NYAP2: variants seen among roughly 807,000 people sequenced by gnomAD.
NYAP2 encodes neuronal tyrosine-phosphorylated phosphoinositide-3-kinase adaptor 2, also known as neuronal tyrosine-phosphorylated phosphoinositide-3-kinase adapter 2.
A neutral mutation model predicts 50.4 loss-of-function variants in NYAP2; 23 were observed. The observed-to-expected ratio is 0.46, with a 90% CI of 0.33 to 0.65. NYAP2 has a LOEUF of 0.65. Ranked by LOEUF, NYAP2 falls within the 30% of genes least tolerant of loss-of-function variation. The pLI is 0.02. For missense variants in NYAP2, 885 were observed against 861.0 expected, an observed-to-expected ratio of 1.03 and a Z score of -0.35; for synonymous variants, 394 against 365.2, an observed-to-expected ratio of 1.08 and a Z score of -0.90.
chr2:225,703,493 G>T, the NYAP2 span: 1 of 151,150 alleles, frequency 6.6e-6, no homozygotes, highest in Non-Finnish European at 1.5e-5. Context: ...GATTTTTTTA[G>T]GTAACATGTA....
At chr2:225,528,409 C>A (rs73084713) in intron 4 of NYAP2, among the ~76,000 whole-genome samples, 1 of 152,088 alleles carries the variant, frequency 6.6e-6, no homozygotes, top group Non-Finnish European at 1.5e-5. Flanking sequence ...ATCATCCCGC[C>A]GCAAAGTGCT....
At chr2:225,645,251 AAAAG>A (rs1278268759) in intron 6 of NYAP2, among the ~76,000 whole-genome samples, 2 of 151,790 alleles carry the variant, frequency 1.3e-5, no homozygotes, top group Admixed American at 6.6e-5. Context: ...AAAAAAAAAA[AAAAG>A]AAGAAGAAAA....
rs966819928 is a variant in NYAP2, at chr2:225,532,931, C to T, written c.523+19259C>T. 8.9e-4 allele frequency among the ~76,000 whole-genome samples: 136 copies of T among 152,104 alleles called. 2 individuals are homozygous for T. Among genetic ancestry groups the T allele is most frequent in the Admixed American group, 2.0e-4 (3 of 15,282 alleles). ...CTGAGTGTCTACTATGCATGTGGCA[C>T]GATACTATGCTAGGCAATAGAGAAA... On this transcript the variant is annotated intron_variant, in intron 4 of 6. Transcript: ENST00000636099.
At chr2:225,436,254 A>T (rs1689373533) in intron 3 of NYAP2, among the ~76,000 whole-genome samples, 1 of 152,194 alleles carries the variant, frequency 6.6e-6, no homozygotes, top group Admixed American at 6.5e-5. Context: ...CTAATAAAGT[A>T]CCACAAACCA....
the NYAP2 span, among the ~76,000 whole-genome samples, chr2:225,694,038 G>A: frequency 1.3e-5 from 2 of 152,030 alleles, no homozygotes; most frequent in Admixed American, 6.6e-5. Flanking sequence ...TTGTCCTAGA[G>A]GTGTGTGTTC....
At chr2:225,628,537 G>T (rs1380011009) in intron 6 of NYAP2, among the ~76,000 whole-genome samples, 1 of 151,796 alleles carries the variant, frequency 6.6e-6, no homozygotes, top group East Asian at 1.9e-4. Context: ...TGGTCAGGCT[G>T]GTCTCAAACT....
At chr2:225,492,847 G>A (rs150844955) in intron 3 of NYAP2, among the ~76,000 whole-genome samples, 76 of 152,266 alleles carry the variant, frequency 5.0e-4, no homozygotes, top group African/African-American at 1.7e-3. Flanking sequence ...ATCTGCCTCT[G>A]TGATCCAAAT....
intron 4 of NYAP2, among the ~76,000 whole-genome samples, chr2:225,563,978 G>A (rs1691918192): frequency 6.6e-6 from 1 of 152,096 alleles, no homozygotes; most frequent in Non-Finnish European, 1.5e-5. Flanking sequence ...GAACTGTAAT[G>A]TCTCTCTCCT....
At chr2:225,679,319 G>A in the NYAP2 span, among the ~76,000 whole-genome samples, 1 of 152,012 alleles carries the variant, frequency 6.6e-6, no homozygotes, top group East Asian at 1.9e-4. Context: ...TATATATGGT[G>A]CAGAGAGCAT....
At chr2:225,552,580 C>T (rs1691697471) in intron 4 of NYAP2, among the ~76,000 whole-genome samples, 1 of 152,206 alleles carries the variant, frequency 6.6e-6, no homozygotes, top group Non-Finnish European at 1.5e-5. Context: ...TCTCTCTGCT[C>T]TCTACTGTGT....
intron 3 of NYAP2, among the ~76,000 whole-genome samples, chr2:225,435,063 T>G (rs977389314): frequency 2.0e-5 from 3 of 152,218 alleles, no homozygotes; most frequent in Non-Finnish European, 4.4e-5. Context: ...CTACTCTTCC[T>G]GCATTTTGAC....
chr2:225,536,738 T>C (rs925011941), intron 4 of NYAP2, among the ~76,000 whole-genome samples: 1 of 152,020 alleles, frequency 6.6e-6, no homozygotes, highest in African/African-American at 2.4e-5. Flanking sequence ...CATCCTATTA[T>C]GCTGTCAAGT....
intron 4 of NYAP2, among the ~76,000 whole-genome samples, chr2:225,524,632 A>G (rs1446411098): frequency 1.3e-5 from 2 of 152,196 alleles, no homozygotes; most frequent in Non-Finnish European, 1.5e-5. Flanking sequence ...ATAAGACCTG[A>G]AGCTATACAA....
intron 4 of NYAP2, among the ~76,000 whole-genome samples, chr2:225,540,939 G>A (rs1177906083): frequency 2.6e-5 from 4 of 151,834 alleles, no homozygotes; most frequent in Admixed American, 1.3e-4. Context: ...CCATATCCAC[G>A]CCAGCCTTTG....
downstream of NYAP2, among the ~76,000 whole-genome samples, chr2:225,657,734 G>A (rs1454078603): frequency 6.6e-6 from 1 of 152,054 alleles, no homozygotes; most frequent in African/African-American, 2.4e-5. Context: ...TTTTGCCAAA[G>A]TCATGCACAC....
At chr2:225,677,035 T>C in the NYAP2 span, among the ~76,000 whole-genome samples, 1 of 152,172 alleles carries the variant, frequency 6.6e-6, no homozygotes, top group Non-Finnish European at 1.5e-5. Flanking sequence ...TTCCAACCCA[T>C]GAGCATGGAA....
At chr2:225,640,157 T>G (rs1303688251) in intron 6 of NYAP2, among the ~76,000 whole-genome samples, 1 of 152,170 alleles carries the variant, frequency 6.6e-6, no homozygotes, top group African/African-American at 2.4e-5. Flanking sequence ...TTTATGGAGA[T>G]CAACGTGAAC....
At chr2:225,534,135 G>A (rs762763352) in intron 4 of NYAP2, among the ~76,000 whole-genome samples, 63 of 152,274 alleles carry the variant, frequency 4.1e-4, no homozygotes, top group Non-Finnish European at 3.2e-4. Flanking sequence ...TGGAGATGTT[G>A]AGAAAACATT....
intron 2 of NYAP2, among the ~76,000 whole-genome samples, chr2:225,403,851 T>A (rs1365734618): frequency 1.3e-5 from 2 of 152,004 alleles, no homozygotes; most frequent in African/African-American, 4.8e-5. Flanking sequence ...GACAAATCAG[T>A]GTACATGTCC....
Sources: allele counts gnomAD v4.1 joint callset (sites outside exome capture counted in the v4.1 genomes callset), GRCh38; gene constraint gnomAD v4.1.1; transcripts MANE v1.5; gene names NCBI Gene and HGNC (gene_info 2026-07-23, HGNC 2026-07-21).